The following MLLT3 variants were observed in gnomAD, a reference collection of about 807,000 sequenced individuals.
The protein encoded by MLLT3 is MLLT3 super elongation complex subunit, also known as protein AF-9.
In MLLT3, 4 loss-of-function variants were observed where a neutral mutation model predicts 53.2. The observed-to-expected ratio is 0.08, with a 90% confidence interval of 0.04 to 0.17. The LOEUF (loss-of-function observed/expected upper bound fraction) is 0.17, where lower values mean the gene tolerates loss of function less well. Ranked by LOEUF, MLLT3 falls within the 10% of genes least tolerant of loss-of-function variation. The pLI, the probability that MLLT3 is intolerant of heterozygous loss-of-function variation, is 1.00. For synonymous variants in MLLT3, 283 were observed against 230.6 expected (o/e 1.23, Z -2.06); for missense variants, 569 against 684.0 (o/e 0.83, Z 1.87).
intron 2 of MLLT3, among the ~76,000 whole-genome samples, chr9:20,596,592 G>A (rs1820273921): frequency 6.6e-6 from 1 of 152,202 alleles, no homozygotes; most frequent in Non-Finnish European, 1.5e-5. Context: ...TTGAGAGGCT[G>A]AGGCATGAGA....
intron 2 of MLLT3, among the ~76,000 whole-genome samples, chr9:20,593,166 G>A (rs951813996): frequency 6.6e-6 from 1 of 152,070 alleles, no homozygotes; most frequent in African/African-American, 2.4e-5. Context: ...AAAAAAACAA[G>A]GGCTTCAATA....
chr9:20,404,662 G>A (rs776543537), intron 5 of MLLT3, among the ~76,000 whole-genome samples: 15 of 151,980 alleles, frequency 9.9e-5, no homozygotes, highest in African/African-American at 1.7e-4. Context: ...GCACTACCAC[G>A]CCCAGATAAT....
At chr9:20,357,823 C>G (rs1358964048) in intron 8 of MLLT3, among the ~76,000 whole-genome samples, 1 of 152,130 alleles carries the variant, frequency 6.6e-6, no homozygotes, top group South Asian at 2.1e-4. Context: ...AGAGAGAGAA[C>G]AGGCAAGGAG....
chr9:20,482,353 G>A (rs1824685000), intron 2 of MLLT3, among the ~76,000 whole-genome samples: 2 of 152,082 alleles, frequency 1.3e-5, no homozygotes, highest in Non-Finnish European at 2.9e-5. Context: ...CTGCTTCCCT[G>A]TTCCCACCTT....
intron 4 of MLLT3, among the ~76,000 whole-genome samples, chr9:20,425,282 A>G (rs1422443228): frequency 6.6e-6 from 1 of 152,176 alleles, no homozygotes; most frequent in East Asian, 1.9e-4. Context: ...AAATAGCAGC[A>G]TAGCATATAG....
intron 2 of MLLT3, among the ~76,000 whole-genome samples, chr9:20,599,304 CAAA>C (rs56820558): frequency 1.4e-4 from 9 of 66,626 alleles, no homozygotes; most frequent in Admixed American, 1.7e-4. Flanking sequence ...ACTCTGTCTC[CAAA>C]AAAAAAAAAA....
intron 2 of MLLT3, among the ~76,000 whole-genome samples, chr9:20,464,073 G>A (rs1197702492): frequency 6.6e-6 from 1 of 151,510 alleles, no homozygotes; most frequent in Non-Finnish European, 1.5e-5. Flanking sequence ...TCTGTAGGTA[G>A]CAGAAAAAAC....
intron 2 of MLLT3, among the ~76,000 whole-genome samples, chr9:20,613,480 C>G (rs1270693985): frequency 1.3e-5 from 2 of 152,130 alleles, no homozygotes; most frequent in Non-Finnish European, 2.9e-5. Flanking sequence ...ATAGTTAATT[C>G]TCCAGAATCC....
In MLLT3 at chr9:20,620,046, A is replaced by G. The variant is rs1252640021; in HGVS notation, c.193+608T>C. On this transcript the variant is annotated intron_variant, in intron 2 of 10. Coordinates refer to ENST00000380338, the MANE Select transcript of MLLT3 (RefSeq NM_004529.4). The surrounding 1 kb of genome is among the most constrained non-coding windows in gnomAD (Gnocchi z 6.1). Reference sequence around the variant, plus strand: ...GAGGGAGGAACGAGTAAGCCCCCCAAGTAAACATAAAATCCAGACTGGAGT... The same window carrying G: ...GAGGGAGGAACGAGTAAGCCCCCCAGGTAAACATAAAATCCAGACTGGAGT... Among the ~76,000 whole-genome samples the G allele has an allele frequency of 6.6e-6, 1 of 151,948 alleles. No individual in the cohort carries two copies. The highest frequency in any genetic ancestry group is 2.4e-5 in the African/African-American group (1 of 41,372).
chr9:20,462,793 T>C (rs1162858341), intron 2 of MLLT3, among the ~76,000 whole-genome samples: 2 of 152,132 alleles, frequency 1.3e-5, no homozygotes, highest in East Asian at 1.9e-4. Flanking sequence ...CAGACCATCA[T>C]TTATGAAATT....
At chr9:20,385,988 G>A (rs899258042) in intron 5 of MLLT3, among the ~76,000 whole-genome samples, 1 of 152,138 alleles carries the variant, frequency 6.6e-6, no homozygotes, top group Non-Finnish European at 1.5e-5. Context: ...TTAGTGAAGA[G>A]GACAATCACT....
intron 2 of MLLT3, among the ~76,000 whole-genome samples, chr9:20,461,426 A>G (rs1183058241): frequency 6.6e-6 from 1 of 152,234 alleles, no homozygotes; most frequent in Non-Finnish European, 1.5e-5. Context: ...TTAATTAGTT[A>G]GAAATAAGTC....
At chr9:20,588,601 GC>G (rs756350816) in intron 2 of MLLT3, among the ~76,000 whole-genome samples, 94 of 152,222 alleles carry the variant, frequency 6.2e-4, no homozygotes, top group South Asian at 1.2e-3. Flanking sequence ...TCTCTTTGAA[GC>G]AATTGTGAAT....
At chr9:20,582,114 CAG>C (rs1166615695) in intron 2 of MLLT3, among the ~76,000 whole-genome samples, 3 of 152,114 alleles carry the variant, frequency 2.0e-5, no homozygotes, top group African/African-American at 7.2e-5. Context: ...GCAGAAAGTA[CAG>C]AGAGTTCTTA....
intron 2 of MLLT3, among the ~76,000 whole-genome samples, chr9:20,482,616 T>C (rs1427777707): frequency 3.3e-5 from 5 of 152,212 alleles, no homozygotes; most frequent in African/African-American, 9.6e-5. Context: ...TAGGATTTCC[T>C]ACCTAATACC....
intron 2 of MLLT3, among the ~76,000 whole-genome samples, chr9:20,510,511 C>T (rs1240441741): frequency 6.7e-6 from 1 of 150,320 alleles, no homozygotes; most frequent in African/African-American, 2.5e-5. Flanking sequence ...ACTCAGGAGG[C>T]TGAGGCAGGA....
At chr9:20,610,663 G>A (rs1372434594) in intron 2 of MLLT3, among the ~76,000 whole-genome samples, 1 of 152,052 alleles carries the variant, frequency 6.6e-6, no homozygotes, top group Non-Finnish European at 1.5e-5. Context: ...GATAACATAG[G>A]TCCCATCCTT....
intron 2 of MLLT3, chr9:20,533,305 CA>C: frequency 3.2e-6 from 1 of 314,430 alleles, no homozygotes; most frequent in South Asian, 3.4e-5. Flanking sequence ...CTCAAAAAGG[CA>C]AAGGCTAAAG....
At chr9:20,408,213 G>A (rs935887463) in intron 5 of MLLT3, among the ~76,000 whole-genome samples, 2 of 151,768 alleles carry the variant, frequency 1.3e-5, no homozygotes, top group African/African-American at 4.8e-5. Context: ...TTTAAGAACT[G>A]AGATACCACA....
Sources: gnomAD v4.1 joint callset for allele counts (sites outside exome capture counted in the v4.1 genomes callset) on GRCh38, gnomAD v4.1.1 for gene constraint, Gnocchi (gnomAD v3.1) non-coding constraint, MANE v1.5 for transcripts, NCBI Gene and HGNC (gene_info 2026-07-23, HGNC 2026-07-21) for gene names.